Variants in TNS1 observed in about 807,000 individuals in gnomAD.
TNS1 encodes tensin-1.
In TNS1, 62 loss-of-function variants were observed where a neutral mutation model predicts 168.6. The observed-to-expected ratio is 0.37, with a 90% confidence interval of 0.30 to 0.45. The LOEUF (loss-of-function observed/expected upper bound fraction) is 0.45. Ranked by LOEUF, TNS1 falls within the 20% of genes least tolerant of loss-of-function variation. The pLI, the probability that TNS1 is intolerant of heterozygous loss-of-function variation, is 1.00. For synonymous variants in TNS1, 934 were observed against 933.2 expected (o/e 1.00, Z -0.02); for missense variants, 2,240 against 2,339.4 (o/e 0.96, Z 0.88).
intron 18 of TNS1, among the ~76,000 whole-genome samples, chr2:217,873,490 C>T (rs901285384): frequency 2.0e-5 from 3 of 152,178 alleles, no homozygotes; most frequent in Non-Finnish European, 4.4e-5. Flanking sequence ...GGTGGGGGCG[C>T]ACTGGCCACC....
intron 1 of TNS1, among the ~76,000 whole-genome samples, chr2:218,028,312 G>A (rs1046977477): frequency 6.6e-6 from 1 of 152,102 alleles, no homozygotes; most frequent in Admixed American, 6.5e-5. Context: ...TGGGCCCAGG[G>A]GAGACCTCTA....
rs374510466 is a variant in TNS1, at chr2:217,918,746, C to T, written c.228+1449G>A. Among the ~76,000 whole-genome samples, 9 of 151,780 alleles carry T rather than the reference C, an allele frequency of 5.9e-5. No individual in the cohort carries two copies. In the South Asian group the frequency reaches 1.7e-3, roughly 28 times the overall value. On this transcript the variant is annotated intron_variant, in intron 4 of 32. Coordinates refer to ENST00000682258, the MANE Select transcript of TNS1 (RefSeq NM_001387777.1). The stretch of plus-strand genomic sequence containing the variant: ...GGAATAAGGAGAAATGGACACTCAC[C>T]CCTCCCCGCCCGCCCTCCTCGGACT...
intron 3 of TNS1, among the ~76,000 whole-genome samples, chr2:217,953,330 T>C (rs1957285899): frequency 6.6e-6 from 1 of 152,216 alleles, no homozygotes; most frequent in South Asian, 2.1e-4. Context: ...CATGGGTGAC[T>C]GTTTTCTTGG....
intron 18 of TNS1, among the ~76,000 whole-genome samples, chr2:217,867,880 C>T (rs1406611196): frequency 3.9e-5 from 6 of 152,248 alleles, no homozygotes; most frequent in African/African-American, 1.2e-4. Flanking sequence ...GTCAACTCTT[C>T]AATGCCCCCA....
rs1453494407 is a variant in TNS1 at position 217,847,814 on chromosome 2, A to G, written c.2703T>C (p.Pro901=). The G allele has an allele frequency of 6.3e-7, 1 of 1,598,462 alleles. No individual in the cohort carries two copies. The highest frequency in any genetic ancestry group is 8.6e-7 in the Non-Finnish European group (1 of 1,167,232). The part of the protein sequence containing the change: ...YIPSGHSLGT[P]EPAPRASLES... The stretch of plus-strand genomic sequence containing the variant: ...CCAGAGAGGCCCGTGGGGCTGGCTC[A>G]GGGGTTCCCAACGAATGCCCACTGG... The change falls in exon 19 of 33, where the codon CCT becomes CCC. Residue 901 remains proline, a synonymous_variant. Transcript: ENST00000682258.
chr2:218,002,369 C>T (rs1958581070), intron 1 of TNS1, among the ~76,000 whole-genome samples: 1 of 152,182 alleles, frequency 6.6e-6, no homozygotes, highest in Admixed American at 6.5e-5. Flanking sequence ...TGAGAATTCT[C>T]CCACAGCCCA....
intron 1 of TNS1, among the ~76,000 whole-genome samples, chr2:217,996,932 C>T (rs1017634930): frequency 6.6e-6 from 1 of 152,076 alleles, no homozygotes; most frequent in African/African-American, 2.4e-5. Context: ...CCCACCCTGC[C>T]AGTCCCAATC....
At chr2:217,810,149 G>T in intron 29 of TNS1, 99 bp downstream of exon 29, 1 of 1,477,510 alleles carries the variant, frequency 6.8e-7, no homozygotes, top group Non-Finnish European at 9.4e-7. Context: ...GAGACATTTG[G>T]GCCTGGAGAG....
chr2:217,954,214 C>T (rs1406183311), intron 3 of TNS1, among the ~76,000 whole-genome samples: 1 of 152,206 alleles, frequency 6.6e-6, no homozygotes, highest in Non-Finnish European at 1.5e-5. Flanking sequence ...GCTCCTAGGG[C>T]TCTATTCTGG....
upstream of TNS1, among the ~76,000 whole-genome samples, chr2:218,014,141 G>A (rs1473422181): frequency 6.6e-6 from 1 of 152,188 alleles, no homozygotes; most frequent in African/African-American, 2.4e-5. Context: ...GTCTGCAGGG[G>A]CACAAAGGCA....
intron 3 of TNS1, among the ~76,000 whole-genome samples, chr2:217,967,386 A>C (rs1381534537): frequency 2.0e-5 from 3 of 152,132 alleles, no homozygotes; most frequent in Admixed American, 1.3e-4. Context: ...AGTAAGGAAA[A>C]GGTAAATTCT....
rs369175639 is a variant in TNS1, at chr2:217,813,811, C to G, written c.4735G>C (p.Ala1579Pro). 1.1e-5 allele frequency: 18 copies of G among 1,608,120 alleles called. No homozygotes were observed. The highest frequency in any genetic ancestry group is 1.3e-5 in the African/African-American group (1 of 74,572). The change falls in exon 26 of 33, where the codon GCG becomes CCG. Residue 1579 changes from alanine (A) to proline (P), a missense_variant. Ala to Pro is a conservative substitution (Grantham distance 27). This residue lies in a region of TNS1 where 2,131 missense variants were observed against 2,171.2 expected (regional missense o/e 0.98). Coordinates refer to ENST00000682258, the MANE Select transcript of TNS1 (RefSeq NM_001387777.1). This position sits in a 1 kb window ranked among gnomAD's most constrained non-coding sequence, Gnocchi z 4.0. ...KPEISREQAI[A>P]LLKDQEPGAF... ...CCCGGCTCCTGGTCCTTGAGGAGCG[C>G]GATGGCTGCATGGGGAAGGGACAAG...
intron 22 of TNS1, 141 bp downstream of exon 22, chr2:217,831,314 G>T: frequency 1.5e-6 from 1 of 647,410 alleles, no homozygotes; most frequent in Non-Finnish European, 2.5e-6. Context: ...CCCCTACACA[G>T]AGAGCCCCAA....
intron 18 of TNS1, among the ~76,000 whole-genome samples, chr2:217,877,988 T>C (rs574899439): frequency 6.6e-6 from 1 of 152,140 alleles, no homozygotes; most frequent in South Asian, 2.1e-4. Context: ...ATAGAAGAGG[T>C]AGGCAGGGGG....
At chr2:217,841,433 A>T (rs749767615) in intron 19 of TNS1, 27 of 192,838 alleles carry the variant, frequency 1.4e-4, no homozygotes, top group African/African-American at 6.2e-4. Context: ...GGCATTAAAC[A>T]GGACAAAACA....
At chr2:217,919,388 C>A (rs549411710) in intron 4 of TNS1, among the ~76,000 whole-genome samples, 6 of 152,246 alleles carry the variant, frequency 3.9e-5, no homozygotes, top group African/African-American at 1.4e-4. Context: ...CAGCCTGATC[C>A]GATTGTGCCC....
intron 23 of TNS1, among the ~76,000 whole-genome samples, chr2:217,820,119 G>A (rs1235446303): frequency 1.3e-5 from 2 of 152,128 alleles, no homozygotes; most frequent in African/African-American, 4.8e-5. Context: ...TCTGAGGAGT[G>A]GGAGACAGAG....
At position 217,848,729 on chromosome 2, in the gene TNS1, C is replaced by T. The variant is rs758569137; in HGVS notation, c.1788G>A (p.Ser596=). 1.4e-5 allele frequency: 22 copies of T among 1,614,088 alleles called. No individual in the cohort carries two copies. Among genetic ancestry groups the T allele is most frequent in the Middle Eastern group, 1.6e-4 (1 of 6,084 alleles). Residue 596 remains serine (S), a synonymous_variant, in exon 19 of 33, where the codon TCG becomes TCA. Coordinates refer to ENST00000682258, the MANE Select transcript of TNS1 (RefSeq NM_001387777.1). ...QHLRSRPAGG[S]AVPSSGRHVV... ...CGTGGCGTCCAGAGGAGGGCACAGCCGAGCCCCCTGCTGGGCGGGACCTGA... is the reference window on the plus strand; with the variant it reads ...CGTGGCGTCCAGAGGAGGGCACAGCTGAGCCCCCTGCTGGGCGGGACCTGA...
At chr2:217,930,162 G>A (rs778543502) in intron 3 of TNS1, among the ~76,000 whole-genome samples, 17 of 152,322 alleles carry the variant, frequency 1.1e-4, no homozygotes, top group Non-Finnish European at 2.2e-4. Context: ...TCAATACGGC[G>A]CACTCTGAGC....
Sources: gnomAD v4.1 joint callset for allele counts (sites outside exome capture counted in the v4.1 genomes callset) on GRCh38, gnomAD v4.1.1 for gene constraint, gnomAD v4.1.1 regional missense constraint, Gnocchi (gnomAD v3.1) non-coding constraint, MANE v1.5 for transcripts, NCBI Gene and HGNC (gene_info 2026-07-23, HGNC 2026-07-21) for gene names.